The following CCDC141 variants were observed in gnomAD, a reference collection of about 807,000 sequenced individuals.
The protein encoded by CCDC141 is coiled-coil domain-containing protein 141.
Under a neutral mutation model 181.0 loss-of-function variants are expected in CCDC141, and 168 were observed. That is an observed-to-expected ratio of 0.93 (90% CI 0.82 to 1.05). The LOEUF is 1.05. Among genes scored for constraint, CCDC141 ranks in the 50% least tolerant of loss-of-function variants. The pLI is 0.00. For synonymous variants in CCDC141, 666 were observed against 642.3 expected (o/e 1.04, Z -0.56); for missense variants, 1,902 against 1,788.5 (o/e 1.06, Z -1.14).
At chr2:178,937,198 G>T (rs1689326287) in intron 6 of CCDC141, among the ~76,000 whole-genome samples, 1 of 152,158 alleles carries the variant, frequency 6.6e-6, no homozygotes, top group African/African-American at 2.4e-5. Context: ...TCCAGCATTT[G>T]CCCATTCAGT....
At chr2:179,006,680 C>A (rs1240464160) in intron 2 of CCDC141, among the ~76,000 whole-genome samples, 1 of 152,050 alleles carries the variant, frequency 6.6e-6, no homozygotes, top group South Asian at 2.1e-4. Context: ...CCAGGGTTGG[C>A]GAGAGACATA....
intron 17 of CCDC141, among the ~76,000 whole-genome samples, chr2:178,856,804 C>G (rs745820259): frequency 2.6e-5 from 4 of 152,074 alleles, no homozygotes; most frequent in Non-Finnish European, 5.9e-5. Context: ...AGACTGGTCT[C>G]GAACTCCTGG....
At chr2:178,897,601 T>C (rs1461449061) in intron 8 of CCDC141, among the ~76,000 whole-genome samples, 2 of 152,192 alleles carry the variant, frequency 1.3e-5, no homozygotes, top group Non-Finnish European at 2.9e-5. Context: ...AAATCCGCCA[T>C]GATGAGGTAG....
intron 6 of CCDC141, among the ~76,000 whole-genome samples, chr2:178,925,655 G>T (rs79984707): frequency 1.3e-5 from 2 of 151,992 alleles, no homozygotes; most frequent in African/African-American, 4.8e-5. Context: ...TAGATTTCTT[G>T]TTCCTATTAA....
chr2:178,883,551 G>A (rs1686728598), intron 11 of CCDC141, among the ~76,000 whole-genome samples: 1 of 152,188 alleles, frequency 6.6e-6, no homozygotes, highest in African/African-American at 2.4e-5. Flanking sequence ...GAGGAGAGAT[G>A]TGCCTGCAGG....
chr2:178,872,369 GT>G (rs1686157790), intron 12 of CCDC141, 57 bp from the exon 13 acceptor site: 1 of 1,458,474 alleles, frequency 6.9e-7, no homozygotes, highest in Non-Finnish European at 9.4e-7. Context: ...ACAGCTTTTT[GT>G]TGTATATAAC....
intron 5 of CCDC141, among the ~76,000 whole-genome samples, chr2:178,950,191 A>C (rs928655011): frequency 6.6e-6 from 1 of 152,198 alleles, no homozygotes; most frequent in African/African-American, 2.4e-5. Flanking sequence ...ATCTTCTTTA[A>C]CCCAAGACTT....
intron 6 of CCDC141, among the ~76,000 whole-genome samples, chr2:178,934,099 AT>A (rs11301160): frequency 0.68 from 103,017 of 151,672 alleles, 35,399 homozygotes; most frequent in East Asian, 0.93. Flanking sequence ...AGACATCAGT[AT>A]TTTTTTCAAC....
In CCDC141 at chr2:178,901,374, C is replaced by T. The variant is rs926806783; in HGVS notation, c.1265+3955G>A. ...AATCCTCAATAAAATACTGGCAAACCGAATCCAGCAGCACATCAAAAAGCT... is the reference window on the plus strand; with the variant it reads ...AATCCTCAATAAAATACTGGCAAACTGAATCCAGCAGCACATCAAAAAGCT... On this transcript the variant is annotated intron_variant, in intron 8 of 23. Transcript: ENST00000443758. 4.6e-5 allele frequency among the ~76,000 whole-genome samples: 7 copies of T among 151,792 alleles called. No homozygotes were observed. In the East Asian group the frequency reaches 5.8e-4, roughly 13 times the overall value.
intron 7 of CCDC141, among the ~76,000 whole-genome samples, chr2:178,908,843 T>C (rs1303314272): frequency 6.6e-6 from 1 of 152,218 alleles, no homozygotes; most frequent in Non-Finnish European, 1.5e-5. Flanking sequence ...ATGTTTGTTG[T>C]TTTGAGAATT....
intron 16 of CCDC141, among the ~76,000 whole-genome samples, chr2:178,866,821 G>C (rs1160842190): frequency 6.6e-6 from 1 of 152,122 alleles, no homozygotes; most frequent in Non-Finnish European, 1.5e-5. Flanking sequence ...CGCCTCCTGG[G>C]TTCAAGCGAT....
chr2:179,014,483 C>A (rs371631866), intron 2 of CCDC141, among the ~76,000 whole-genome samples: 7 of 152,096 alleles, frequency 4.6e-5, no homozygotes, highest in African/African-American at 1.4e-4. Flanking sequence ...AGTAAACAGA[C>A]AACCCACAGA....
intron 4 of CCDC141, among the ~76,000 whole-genome samples, chr2:178,969,684 A>C (rs1690796740): frequency 2.0e-5 from 3 of 152,208 alleles, no homozygotes; most frequent in African/African-American, 7.2e-5. Context: ...AATGGGAAAA[A>C]ATTGGAAGCA....
intron 2 of CCDC141, among the ~76,000 whole-genome samples, chr2:178,997,074 GT>G (rs1294232579): frequency 6.6e-6 from 1 of 152,184 alleles, no homozygotes; most frequent in African/African-American, 2.4e-5. Flanking sequence ...ACCAGTTAAA[GT>G]GTGCCTCCTA....
intron 2 of CCDC141, among the ~76,000 whole-genome samples, chr2:179,015,086 A>AATATACATATATAT (rs2042403020): frequency 2.4e-5 from 1 of 42,206 alleles, no homozygotes; most frequent in Admixed American, 1.9e-4. Flanking sequence ...ATATATATAT[A>AATATACATATATAT]TATATATATA....
intron 6 of CCDC141, among the ~76,000 whole-genome samples, chr2:178,920,699 C>CAT (rs1326962045): frequency 8.2e-6 from 1 of 121,476 alleles, no homozygotes; most frequent in East Asian, 2.8e-4. Context: ...ACTCCATACA[C>CAT]ACACACACAC....
At chr2:178,973,457 G>C (rs1559018417) in intron 4 of CCDC141, among the ~76,000 whole-genome samples, 1 of 152,154 alleles carries the variant, frequency 6.6e-6, no homozygotes, top group African/African-American at 2.4e-5. Context: ...GTGGACTCTT[G>C]AAGGCTGGTA....
At chr2:178,876,559 A>T (rs1686366175) in intron 12 of CCDC141, 1 of 152,200 alleles carries the variant, frequency 6.6e-6, no homozygotes, top group Non-Finnish European at 1.5e-5. Context: ...TTATAGACTT[A>T]ATACAAAGAT....
intron 16 of CCDC141, among the ~76,000 whole-genome samples, chr2:178,867,424 T>C (rs959054244): frequency 6.6e-6 from 1 of 152,212 alleles, no homozygotes; most frequent in Non-Finnish European, 1.5e-5. Flanking sequence ...AATATCACCA[T>C]TTTAACATGT....
Sources: gnomAD v4.1 joint callset for allele counts (sites outside exome capture counted in the v4.1 genomes callset) on GRCh38, gnomAD v4.1.1 for gene constraint, MANE v1.5 for transcripts, NCBI Gene and HGNC (gene_info 2026-07-23, HGNC 2026-07-21) for gene names.